Variants in ST8SIA2 observed in about 807,000 individuals in gnomAD.
The protein encoded by ST8SIA2 is ST8 alpha-N-acetyl-neuraminide alpha-2,8-sialyltransferase 2, also known as alpha-2,8-sialyltransferase 8B.
ST8SIA2 carries 22 observed loss-of-function variants against 37.6 expected under a neutral mutation model. The ratio of observed to expected loss-of-function variants is 0.58; its 90% CI spans 0.42 to 0.83. The LOEUF (loss-of-function observed/expected upper bound fraction) is 0.83, where lower values mean the gene tolerates loss of function less well. Among genes scored for constraint, ST8SIA2 ranks in the 40% least tolerant of loss-of-function variants. The pLI is 0.00. For synonymous variants in ST8SIA2, 205 were observed against 201.2 expected (o/e 1.02, Z -0.16); for missense variants, 382 against 484.7 (o/e 0.79, Z 1.99).
intron 1 of ST8SIA2, among the ~76,000 whole-genome samples, chr15:92,421,759 A>C (rs937655673): frequency 1.4e-4 from 21 of 152,240 alleles, no homozygotes; most frequent in Admixed American, 1.3e-3. Flanking sequence ...AGAGAGATTC[A>C]GGTATCACAT....
chr15:92,460,919 C>T (rs545225623), intron 5 of ST8SIA2, among the ~76,000 whole-genome samples: 3 of 152,076 alleles, frequency 2.0e-5, no homozygotes, highest in East Asian at 3.9e-4. Context: ...GGGCCTGAGT[C>T]GAGGACACGC....
At chr15:92,420,112 G>A (rs891326571) in intron 1 of ST8SIA2, among the ~76,000 whole-genome samples, 2 of 152,160 alleles carry the variant, frequency 1.3e-5, no homozygotes, top group African/African-American at 4.8e-5. Flanking sequence ...TGATCTGCCT[G>A]CCTTGGCCTC....
intron 2 of ST8SIA2, 25 bp from the exon 3 acceptor site, chr15:92,434,222 C>G (rs541667448): frequency 6.2e-7 from 1 of 1,613,672 alleles, no homozygotes; most frequent in South Asian, 1.1e-5. Context: ...CATGTCTACC[C>G]TCTTTCTTTT....
chr15:92,464,560 G>C lies in ST8SIA2; in HGVS notation c.*175G>C. Reference sequence around the variant, plus strand: ...TACCTGCATATATATATTGACCTGAGTATTTATAACTGTGTGGTGTTCATC... The same window carrying C: ...TACCTGCATATATATATTGACCTGACTATTTATAACTGTGTGGTGTTCATC... On this transcript the variant is annotated 3_prime_UTR_variant, in exon 6 of 6. Coordinates refer to ENST00000268164, the MANE Select transcript of ST8SIA2 (RefSeq NM_006011.4). 1.4e-6 allele frequency: 1 copy of C among 706,262 alleles called. No homozygotes were observed. The highest frequency in any genetic ancestry group is 2.4e-6 in the Non-Finnish European group (1 of 418,218). 43.7% of individuals were successfully genotyped at this position (706,262 alleles called of 1,614,324 possible).
chr15:92,434,168 GC>G, intron 2 of ST8SIA2, 78 bp from the exon 3 acceptor site: 1 of 1,601,202 alleles, frequency 6.2e-7, no homozygotes, highest in African/African-American at 1.3e-5. Flanking sequence ...TCAAGCCCGT[GC>G]AAAAACAAAA....
At chr15:92,450,057 TA>T (rs2049871124) in intron 5 of ST8SIA2, among the ~76,000 whole-genome samples, 1 of 152,172 alleles carries the variant, frequency 6.6e-6, no homozygotes, top group Non-Finnish European at 1.5e-5. Context: ...AATGGTCTTT[TA>T]AGTATGACAC....
At chr15:92,395,889 C>G (rs2049427186) in intron 1 of ST8SIA2, among the ~76,000 whole-genome samples, 1 of 152,200 alleles carries the variant, frequency 6.6e-6, no homozygotes, top group African/African-American at 2.4e-5. Flanking sequence ...CTAGGTCAGC[C>G]ATTCACTGAA....
At chr15:92,414,587 T>C (rs1596233122) in intron 1 of ST8SIA2, among the ~76,000 whole-genome samples, 1 of 152,242 alleles carries the variant, frequency 6.6e-6, no homozygotes. Flanking sequence ...AATGCCGAAC[T>C]CATAGGGTTG....
At chr15:92,408,302 T>C (rs2049522970) in intron 1 of ST8SIA2, among the ~76,000 whole-genome samples, 1 of 151,998 alleles carries the variant, frequency 6.6e-6, no homozygotes, top group Non-Finnish European at 1.5e-5. Context: ...CATCTCACCA[T>C]CCTCTGAAGC....
chr15:92,466,358 A>G lies in ST8SIA2; in HGVS notation c.*1973A>G, dbSNP rs1052424476. The G allele has an allele frequency of 3.9e-5, 6 of 152,336 alleles. No individual in the cohort carries two copies. Among genetic ancestry groups the G allele is most frequent in the Admixed American group, 3.3e-4 (5 of 15,302 alleles). 9.4% of individuals were successfully genotyped at this position (152,336 alleles called of 1,614,324 possible). ...AGAGCCTTTCATCTTGAGGATCTCA[A>G]AGACCGTAGAAGACATTTAATTTCT... is the stretch of plus-strand genomic sequence containing the variant. On this transcript the variant is annotated 3_prime_UTR_variant, in exon 6 of 6. Transcript: ENST00000268164.
intron 3 of ST8SIA2, among the ~76,000 whole-genome samples, chr15:92,437,527 C>T (rs2049767211): frequency 6.6e-6 from 1 of 152,138 alleles, no homozygotes; most frequent in African/African-American, 2.4e-5. Flanking sequence ...GCAAAGGAGC[C>T]CTTCTCCGTG....
intron 1 of ST8SIA2, among the ~76,000 whole-genome samples, chr15:92,416,170 G>A (rs1483888669): frequency 6.9e-6 from 1 of 144,880 alleles, no homozygotes; most frequent in South Asian, 2.3e-4. Flanking sequence ...AGGGATGAGG[G>A]CACTGGCACT....
At chr15:92,424,616 C>CTT (rs1194844376) in intron 1 of ST8SIA2, among the ~76,000 whole-genome samples, 24 of 141,068 alleles carry the variant, frequency 1.7e-4, no homozygotes, top group African/African-American at 4.7e-4. Context: ...GTTTGACATT[C>CTT]TTTTTTTTTT....
intron 3 of ST8SIA2, among the ~76,000 whole-genome samples, chr15:92,435,997 T>G (rs1255362139): frequency 1.3e-5 from 2 of 152,028 alleles, no homozygotes; most frequent in Non-Finnish European, 2.9e-5. Context: ...CAGCCTCTGG[T>G]GGCCGCAGAA....
chr15:92,453,465 G>C (rs967643413), intron 5 of ST8SIA2, among the ~76,000 whole-genome samples: 1 of 152,204 alleles, frequency 6.6e-6, no homozygotes, highest in Non-Finnish European at 1.5e-5. Context: ...GCAAGATTCT[G>C]TACTTAGGTT....
chr15:92,434,194 G>C, intron 2 of ST8SIA2, 53 bp from the exon 3 acceptor site: 1 of 1,610,660 alleles, frequency 6.2e-7, no homozygotes, highest in South Asian at 1.1e-5. Context: ...TAGACTTGTC[G>C]TCGGCTTGCT....
chr15:92,410,460 C>A (rs890866735), intron 1 of ST8SIA2, among the ~76,000 whole-genome samples: 1 of 152,204 alleles, frequency 6.6e-6, no homozygotes, highest in Non-Finnish European at 1.5e-5. Flanking sequence ...GCAACAGCAT[C>A]GTCACTGCTG....
intron 2 of ST8SIA2, among the ~76,000 whole-genome samples, chr15:92,430,812 A>G (rs1596239738): frequency 6.6e-6 from 1 of 152,328 alleles, no homozygotes; most frequent in South Asian, 2.1e-4. Flanking sequence ...GCCAAGTTAT[A>G]TGATGTAAAC....
chr15:92,460,374 T>C (rs1008887326), intron 5 of ST8SIA2, among the ~76,000 whole-genome samples: 6 of 152,238 alleles, frequency 3.9e-5, no homozygotes, highest in African/African-American at 1.4e-4. Flanking sequence ...TGAGAACTTC[T>C]GCATTAGAGC....
Sources: gnomAD v4.1 joint callset for allele counts (sites outside exome capture counted in the v4.1 genomes callset) on GRCh38, gnomAD v4.1.1 for gene constraint, MANE v1.5 for transcripts, NCBI Gene and HGNC (gene_info 2026-07-23, HGNC 2026-07-21) for gene names.